MAST2: variants seen among roughly 807,000 people sequenced by gnomAD.
The protein encoded by MAST2 is microtubule-associated serine/threonine-protein kinase 2.
MAST2 carries 70 observed loss-of-function variants against 147.4 expected under a neutral mutation model. The ratio of observed to expected loss-of-function variants is 0.47; its 90% CI spans 0.39 to 0.58. The LOEUF (loss-of-function observed/expected upper bound fraction) is 0.58, where lower values mean the gene tolerates loss of function less well. Among genes scored for constraint, MAST2 ranks in the 20% least tolerant of loss-of-function variants. The pLI is 0.00. For synonymous variants in MAST2, 869 were observed against 896.8 expected (o/e 0.97, Z 0.55); for missense variants, 2,080 against 2,302.3 (o/e 0.90, Z 1.98).
chr1:45,810,829 A>G (rs972717781), intron 1 of MAST2, among the ~76,000 whole-genome samples: 3 of 147,768 alleles, frequency 2.0e-5, no homozygotes, highest in East Asian at 2.0e-4. Context: ...AAAAAAAAAA[A>G]GGATAATAAG....
intron 4 of MAST2, among the ~76,000 whole-genome samples, chr1:45,926,643 G>A (rs1243529341): frequency 6.6e-6 from 1 of 152,136 alleles, no homozygotes; most frequent in African/African-American, 2.4e-5. Flanking sequence ...CCATCAAAAC[G>A]GTTTCAAGGT....
intron 1 of MAST2, among the ~76,000 whole-genome samples, chr1:45,819,938 A>C (rs7546237): frequency 0.34 from 51,613 of 152,018 alleles, 9,159 homozygotes; most frequent in African/African-American, 0.44. Context: ...ACCTGACTTG[A>C]AATGATACTA....
At chr1:45,916,850 G>A (rs1266276543) in intron 4 of MAST2, among the ~76,000 whole-genome samples, 1 of 152,096 alleles carries the variant, frequency 6.6e-6, no homozygotes, top group African/African-American at 2.4e-5. Context: ...AGGCCGAGGC[G>A]GGTGGATCAC....
At chr1:45,915,363 T>C (rs570966195) in intron 4 of MAST2, among the ~76,000 whole-genome samples, 1 of 152,202 alleles carries the variant, frequency 6.6e-6, no homozygotes, top group Non-Finnish European at 1.5e-5. Flanking sequence ...CTTTTTAGAC[T>C]CTAGACCCAT....
intron 1 of MAST2, among the ~76,000 whole-genome samples, chr1:45,821,155 C>CT (rs1639870159): frequency 6.6e-6 from 1 of 152,016 alleles, no homozygotes. Flanking sequence ...CTACCTTGGC[C>CT]TCCCAGAGTG....
rs372374723 is a variant in MAST2, at chr1:46,034,096, G to C, written c.3698G>C (p.Arg1233Pro). The C allele has an allele frequency of 3.0e-5, 49 of 1,613,500 alleles. No individual in the cohort carries two copies. Among genetic ancestry groups the C allele is most frequent in the Non-Finnish European group, 3.8e-5 (45 of 1,179,754 alleles). Reference protein sequence around the residue: ...QESRKRSSLFRKITKQASLLH... With the variant: ...QESRKRSSLFPKITKQASLLH... Reference sequence around the variant, plus strand: ...AGCAGAAAAAGGAGCTCCCTGTTCCGCAAGATCACCAAGCAAGCATCCCTG... The same window carrying C: ...AGCAGAAAAAGGAGCTCCCTGTTCCCCAAGATCACCAAGCAAGCATCCCTG... Residue 1233 changes from arginine (R) to proline (P), a missense_variant, in exon 28 of 29, where the codon CGC becomes CCC. This residue lies in a region of MAST2 where 1,278 missense variants were observed against 1,304.2 expected (regional missense o/e 0.98). Transcript: ENST00000361297.
At chr1:45,972,267 T>C (rs1643942224) in intron 5 of MAST2, among the ~76,000 whole-genome samples, 1 of 152,226 alleles carries the variant, frequency 6.6e-6, no homozygotes, top group Non-Finnish European at 1.5e-5. Context: ...GTCTGTGATG[T>C]GCACCAGTGG....
At chr1:45,872,864 C>G (rs572837349) in intron 3 of MAST2, among the ~76,000 whole-genome samples, 45 of 152,260 alleles carry the variant, frequency 3.0e-4, no homozygotes, top group Non-Finnish European at 4.7e-4. Flanking sequence ...GGTTATTTCT[C>G]TAGGATTTAG....
chr1:45,959,458 A>C lies in MAST2; in HGVS notation c.573A>C (p.Ser191=). The C allele has an allele frequency of 8.1e-6, 13 of 1,613,694 alleles. No individual in the cohort carries two copies. Among genetic ancestry groups the C allele is most frequent in the Non-Finnish European group, 1.0e-5 (12 of 1,179,752 alleles). The change falls in exon 5 of 29, where the codon TCA becomes TCC. Residue 191 remains serine (S), a synonymous_variant. Coordinates refer to ENST00000361297, the MANE Select transcript of MAST2 (RefSeq NM_015112.3). ...STSPTLPRPH[S]PLHGHTGNSP... Reference sequence around the variant, plus strand: ...CACCTACACTACCACGGCCACACTCACCACTCCATGGCCACACAGGTGAGT... The same window carrying C: ...CACCTACACTACCACGGCCACACTCCCCACTCCATGGCCACACAGGTGAGT...
intron 4 of MAST2, among the ~76,000 whole-genome samples, chr1:45,934,059 C>T (rs773777080): frequency 1.3e-5 from 2 of 152,022 alleles, no homozygotes; most frequent in African/African-American, 4.8e-5. Flanking sequence ...TTTCAGTTCT[C>T]TCCCTCCTCC....
chr1:45,876,042 G>A lies in MAST2; in HGVS notation c.469-6322G>A, dbSNP rs143164598. On this transcript the variant is annotated intron_variant, in intron 3 of 28. Transcript: ENST00000361297. The stretch of plus-strand genomic sequence containing the variant: ...ATAAGAGGAAAAACAAGAGAATGTG[G>A]CTTCATGGCAAGAAAAGTCTTCCAG... Among the ~76,000 whole-genome samples the A allele has an allele frequency of 6.0e-3, 917 of 152,242 alleles. 2 individuals carry two copies. Among genetic ancestry groups the A allele is most frequent in the Non-Finnish European group, 0.01 (697 of 68,014 alleles).
intron 5 of MAST2, among the ~76,000 whole-genome samples, chr1:45,995,800 C>A (rs1645032874): frequency 6.6e-6 from 1 of 152,174 alleles, no homozygotes; most frequent in Admixed American, 6.5e-5. Flanking sequence ...GAGAGATTCT[C>A]AGATACTCTC....
rs201451257 is a variant in MAST2, at chr1:46,034,192, C to A, written c.3794C>A (p.Pro1265His). The change falls in exon 28 of 29, where the codon CCC (proline) becomes CAC (histidine). Residue 1265 changes from proline (P) to histidine (H), a missense_variant. By Grantham distance (77) the Pro-to-His change is moderately conservative (BLOSUM62 -2). This residue lies in a region of MAST2 where 1,278 missense variants were observed against 1,304.2 expected (regional missense o/e 0.98). Coordinates refer to ENST00000361297, the MANE Select transcript of MAST2 (RefSeq NM_015112.3). ...TCAGGGGAGAGTGGGCCAGGCTCTC[C>A]CACACACAGCCACAGCCTTTCCCCC... is the stretch of plus-strand genomic sequence containing the variant. ...LSSGESGPGS[P>H]THSHSLSPRS... The A allele has an allele frequency of 1.2e-6, 2 of 1,614,142 alleles. No individual in the cohort carries two copies. Among genetic ancestry groups the A allele is most frequent in the East Asian group, 2.2e-5 (1 of 44,874 alleles).
rs918705856 is a variant in MAST2, at chr1:46,034,606, C to T, written c.3937C>T (p.His1313Tyr). 1 of 1,614,124 alleles carries T rather than the reference C, an allele frequency of 6.2e-7. No individual in the cohort carries two copies. Among genetic ancestry groups the T allele is most frequent in the Non-Finnish European group, 8.5e-7 (1 of 1,180,006 alleles). Residue 1313 changes from histidine (H) to tyrosine (Y), a missense_variant, in exon 29 of 29, where the codon CAC becomes TAC. By Grantham distance (83) the His-to-Tyr change is moderately conservative (BLOSUM62 2). This residue lies in a region of MAST2 where 1,278 missense variants were observed against 1,304.2 expected (regional missense o/e 0.98). Coordinates refer to ENST00000361297, the MANE Select transcript of MAST2 (RefSeq NM_015112.3). ...GCCCAGTTCCCCAGCCGGCTCTGGG[C>T]ACACACGGCCCAGCTCCCTCCACGG... ...SVPSSPAGSG[H>Y]TRPSSLHGLA...
At chr1:45,948,265 C>G (rs1436946295) in intron 4 of MAST2, among the ~76,000 whole-genome samples, 1 of 152,056 alleles carries the variant, frequency 6.6e-6, no homozygotes, top group Non-Finnish European at 1.5e-5. Context: ...AGGACACAAA[C>G]AAATGGAAAA....
Position 45,804,081 on chromosome 1 carries a change from G to A in MAST2, c.177+9G>A. ...CCGAGGGCAAGGAGCAGGTAGGGCG[G>A]GTTGGGATCCGGGAGGGTGAACCTG... is the stretch of plus-strand genomic sequence containing the variant. On this transcript the variant is annotated intron_variant, in intron 1 of 28. Transcript: ENST00000361297. The A allele has an allele frequency of 7.8e-7, 1 of 1,281,696 alleles. No individual in the cohort carries two copies. Among genetic ancestry groups the A allele is most frequent in the Non-Finnish European group, 9.9e-7 (1 of 1,007,068 alleles). The allele number at this position is 1,281,696 out of a possible 1,614,324, so 79.4% of individuals were successfully genotyped here.
chr1:45,895,363 G>A (rs1358352363), intron 4 of MAST2, among the ~76,000 whole-genome samples: 1 of 152,050 alleles, frequency 6.6e-6, no homozygotes, highest in East Asian at 1.9e-4. Context: ...GGATTGGTCA[G>A]CCCATAAAAT....
intron 20 of MAST2, 24 bp from the exon 21 acceptor site, chr1:46,030,105 A>G (rs1443817478): frequency 1.2e-6 from 2 of 1,612,226 alleles, no homozygotes; most frequent in African/African-American, 2.7e-5. Context: ...CTCTGAAGGA[A>G]AGTGTCCTTT....
At position 46,029,498 on chromosome 1, in the gene MAST2, C is replaced by G. The variant is rs1646549259; in HGVS notation, c.2251C>G (p.Leu751Val). 1 of 1,614,152 alleles carries G rather than the reference C, an allele frequency of 6.2e-7. No homozygotes were observed. The highest frequency in any genetic ancestry group is 1.1e-5 in the South Asian group (1 of 91,086). ...TGTGTGGCCTGAGGGTGATGAGGCA[C>G]TGCCCCCAGACGCCCAGGACCTCAC... ...EIVWPEGDEA[L>V]PPDAQDLTSK... The change falls in exon 19 of 29, where the codon CTG (leucine) becomes GTG (valine). Residue 751 changes from leucine (L) to valine (V), a missense_variant. Leu to Val is a conservative substitution (Grantham distance 32). Around this residue, in one of 4 missense-constraint regions of MAST2, gnomAD observed 209 missense variants for 309.5 expected, o/e 0.68. Transcript: ENST00000361297.
Sources: gnomAD v4.1 joint callset for allele counts (sites outside exome capture counted in the v4.1 genomes callset) on GRCh38, gnomAD v4.1.1 for gene constraint, gnomAD v4.1.1 regional missense constraint, MANE v1.5 for transcripts, NCBI Gene and HGNC (gene_info 2026-07-23, HGNC 2026-07-21) for gene names.